The following NANOG variants were observed in gnomAD, a reference collection of about 807,000 sequenced individuals.
The protein encoded by NANOG is Nanog homeobox.
In NANOG, 2 loss-of-function variants were observed where a neutral mutation model predicts 17.7. That is an observed-to-expected ratio of 0.11 (90% CI 0.05 to 0.36). The LOEUF (loss-of-function observed/expected upper bound fraction) is 0.36, where lower values mean the gene tolerates loss of function less well. Ranked by LOEUF, NANOG falls within the 10% of genes least tolerant of loss-of-function variation. The pLI is 1.00. For synonymous variants in NANOG, 81 were observed against 124.7 expected, an observed-to-expected ratio of 0.65 and a Z score of 2.33; for missense variants, 174 against 362.1, an observed-to-expected ratio of 0.48 and a Z score of 4.22.
chr12:7,793,554 T>A (rs1425779617), intron 2 of NANOG, among the ~76,000 whole-genome samples: 1 of 152,162 alleles, frequency 6.6e-6, no homozygotes, highest in Non-Finnish European at 1.5e-5. Context: ...ATAAAAACTT[T>A]TTTTTTCCTT....
At chr12:7,790,286 C>G (rs757245575) in intron 1 of NANOG, among the ~76,000 whole-genome samples, 1 of 152,212 alleles carries the variant, frequency 6.6e-6, no homozygotes. Flanking sequence ...TGTCTCTTCT[C>G]CATTCTCTGG....
At chr12:7,790,370 C>T (rs10845877) in intron 1 of NANOG, among the ~76,000 whole-genome samples, 128,422 of 152,138 alleles carry the variant, frequency 0.84, 54,328 homozygotes, top group South Asian at 0.91. Flanking sequence ...TCCTGGGAAG[C>T]GTTGACCCAA....
Position 7,789,684 on chromosome 12 carries a change from C to T in NANOG, c.70C>T (p.Pro24Ser), listed in dbSNP as rs746893318. 2.5e-6 allele frequency: 4 copies of T among 1,614,100 alleles called. No individual in the cohort carries two copies. The South Asian group carries it at 3.3e-5, about 13-fold the overall frequency. The change falls in exon 1 of 4, where the codon CCT (proline) becomes TCT (serine). Residue 24 changes from proline to serine, a missense_variant. Transcript: ENST00000229307. ...FEASDCKESS[P>S]MPVICGPEEN... ...AGCATCCGACTGTAAAGAATCTTCA[C>T]CTATGCCTGTGATTTGTGGGCCTGA...
chr12:7,791,202 A>T (rs1862836281), intron 1 of NANOG, among the ~76,000 whole-genome samples: 2 of 149,572 alleles, frequency 1.3e-5, no homozygotes, highest in African/African-American at 4.9e-5. Context: ...TCCGCCTCCT[A>T]GGTTCAGGTG....
intron 1 of NANOG, among the ~76,000 whole-genome samples, chr12:7,791,009 C>T (rs1003100166): frequency 5.9e-5 from 9 of 152,020 alleles, no homozygotes; most frequent in Admixed American, 5.2e-4. Context: ...CTTCCCAAGT[C>T]GCTGGGATTA....
At chr12:7,791,516 A>G (rs1356413467) in intron 1 of NANOG, among the ~76,000 whole-genome samples, 2 of 152,160 alleles carry the variant, frequency 1.3e-5, no homozygotes, top group Non-Finnish European at 2.9e-5. Flanking sequence ...CCCAATTCTA[A>G]TCATTAGTTG....
chr12:7,793,238 A>T, intron 2 of NANOG, 26 bp downstream of exon 2: 1 of 1,610,580 alleles, frequency 6.2e-7, no homozygotes, highest in Non-Finnish European at 8.5e-7. Flanking sequence ...CCTTGGAATA[A>T]GGTGAACAAA....
chr12:7,791,347 G>A (rs770257642), intron 1 of NANOG, among the ~76,000 whole-genome samples: 21 of 152,154 alleles, frequency 1.4e-4, no homozygotes, highest in South Asian at 4.1e-4. Flanking sequence ...CTGACCTCAA[G>A]TGATTCACCT....
chr12:7,790,018 G>A (rs1226390178), intron 1 of NANOG, among the ~76,000 whole-genome samples: 1 of 152,214 alleles, frequency 6.6e-6, no homozygotes, highest in East Asian at 1.9e-4. Context: ...ACAGTGTGCA[G>A]TAAGTTTGAG....
chr12:7,794,617 C>T (rs1862890658), intron 3 of NANOG, 62 bp from the exon 4 acceptor site: 14 of 1,609,972 alleles, frequency 8.7e-6, no homozygotes, highest in Non-Finnish European at 1.2e-5. Context: ...ACACACAACT[C>T]CAGTCACAGA....
intron 2 of NANOG, among the ~76,000 whole-genome samples, chr12:7,793,507 G>A (rs1862873473): frequency 6.6e-6 from 1 of 152,090 alleles, no homozygotes; most frequent in Admixed American, 6.6e-5. Context: ...ACTTACCAGG[G>A]TAGGAGAAAC....
chr12:7,790,683 G>A (rs1862827442), intron 1 of NANOG, among the ~76,000 whole-genome samples: 1 of 152,166 alleles, frequency 6.6e-6, no homozygotes, highest in Non-Finnish European at 1.5e-5. Flanking sequence ...TAAAGAGTAG[G>A]TTGTGGAAAA....
intron 1 of NANOG, among the ~76,000 whole-genome samples, chr12:7,791,275 A>T (rs1862837333): frequency 6.6e-6 from 1 of 151,710 alleles, no homozygotes; most frequent in Non-Finnish European, 1.5e-5. Context: ...ACGCCTAGCT[A>T]ATTTTTGTAG....
intron 1 of NANOG, among the ~76,000 whole-genome samples, chr12:7,792,256 T>C (rs1862851108): frequency 6.6e-6 from 1 of 152,182 alleles, no homozygotes; most frequent in African/African-American, 2.4e-5. Flanking sequence ...TAGGTGTTGA[T>C]GAAGATCATA....
chr12:7,799,055 CTGG>C lies in NANOG; in HGVS notation c.*3966_*3968del, dbSNP rs1337956316. 2 of 151,822 alleles carry C rather than the reference CTGG, an allele frequency of 1.3e-5. No homozygotes were observed. The highest frequency in any genetic ancestry group is 2.9e-5 in the Non-Finnish European group (2 of 67,972). The allele number at this position is 151,822 out of a possible 1,614,324, so 9.4% of individuals were successfully genotyped here. ...GTGAAACTTGATTGAAAAGAAGCTG[CTGG>C]TGGTGAGTCTCTCCTTAAGCTATTC... On this transcript the variant is annotated 3_prime_UTR_variant, in exon 4 of 4. Coordinates refer to ENST00000229307, the MANE Select transcript of NANOG (RefSeq NM_024865.4).
At chr12:7,791,118 T>C (rs1431029866) in intron 1 of NANOG, among the ~76,000 whole-genome samples, 97 of 150,976 alleles carry the variant, frequency 6.4e-4, no homozygotes, top group African/African-American at 2.2e-3. Context: ...TCTTTCTTTT[T>C]TTTTTTTTGA....
intron 3 of NANOG, 67 bp downstream of exon 3, chr12:7,794,610 C>T (rs1200083502): frequency 1.9e-6 from 3 of 1,608,382 alleles, no homozygotes; most frequent in Non-Finnish European, 2.6e-6. Context: ...CCCTGAAACA[C>T]ACAACTCCAG....
intron 2 of NANOG, 109 bp from the exon 3 acceptor site, chr12:7,794,348 C>A: frequency 9.7e-7 from 1 of 1,032,928 alleles, no homozygotes; most frequent in Non-Finnish European, 1.4e-6. Context: ...GTTGGGATTA[C>A]AGGCATGAGA....
chr12:7,792,845 G>A, intron 1 of NANOG, 105 bp from the exon 2 acceptor site: 1 of 1,179,202 alleles, frequency 8.5e-7, no homozygotes, highest in Non-Finnish European at 1.2e-6. Context: ...ACTTAGATCT[G>A]GGGTTCTGGG....
Sources: gnomAD v4.1 joint callset for allele counts (sites outside exome capture counted in the v4.1 genomes callset) on GRCh38, gnomAD v4.1.1 for gene constraint, MANE v1.5 for transcripts, NCBI Gene and HGNC (gene_info 2026-07-23, HGNC 2026-07-21) for gene names.